PKIB: variants seen among roughly 807,000 people sequenced by gnomAD.
PKIB encodes cAMP-dependent protein kinase inhibitor beta.
A neutral mutation model predicts 4.5 loss-of-function variants in PKIB; 2 were observed. The observed-to-expected ratio is 0.44, with a 90% CI of 0.18 to 1.39. The LOEUF is 1.39. Among genes scored for constraint, PKIB ranks in the 40% most tolerant of loss-of-function variants. The probability of loss-of-function intolerance (pLI) is 0.27; values close to 1 mark genes in which losing one functional copy is unlikely to be tolerated. For synonymous variants in PKIB, 38 were observed against 36.0 expected (o/e 1.06, Z -0.20); for missense variants, 94 against 92.6 (o/e 1.02, Z -0.06).
intron 2 of PKIB, among the ~76,000 whole-genome samples, chr6:122,540,565 T>C (rs1242220819): frequency 2.6e-5 from 4 of 151,996 alleles, no homozygotes; most frequent in South Asian, 2.1e-4. Flanking sequence ...ATAATTTCTG[T>C]TCTTTTACAT....
intron 2 of PKIB, among the ~76,000 whole-genome samples, chr6:122,575,225 C>T (rs1370124934): frequency 1.3e-5 from 2 of 151,956 alleles, no homozygotes; most frequent in East Asian, 3.9e-4. Context: ...GCAAGAATGG[C>T]CGTTTAAGTA....
chr6:122,697,009 G>A (rs1280307189), intron 3 of PKIB, among the ~76,000 whole-genome samples: 1 of 152,204 alleles, frequency 6.6e-6, no homozygotes, highest in Non-Finnish European at 1.5e-5. Context: ...TATTAGTCAT[G>A]TCTACTGATG....
intron 2 of PKIB, among the ~76,000 whole-genome samples, chr6:122,553,666 A>C (rs1772757130): frequency 6.6e-6 from 1 of 151,744 alleles, no homozygotes; most frequent in Non-Finnish European, 1.5e-5. Context: ...CTTTTGTTAT[A>C]TATTAAGAAC....
intron 3 of PKIB, among the ~76,000 whole-genome samples, chr6:122,703,957 G>T (rs933401481): frequency 2.1e-4 from 32 of 150,728 alleles, no homozygotes; most frequent in African/African-American, 7.3e-4. Context: ...GAGAGAGAGA[G>T]AGAGAGAGAG....
At chr6:122,522,159 C>A (rs546066864) in intron 2 of PKIB, among the ~76,000 whole-genome samples, 1 of 149,258 alleles carries the variant, frequency 6.7e-6, no homozygotes, top group African/African-American at 2.5e-5. Context: ...AAAAAAAAAA[C>A]ATAAAGCGAG....
At chr6:122,598,923 C>G (rs1172395643) in intron 3 of PKIB, among the ~76,000 whole-genome samples, 2 of 152,152 alleles carry the variant, frequency 1.3e-5, no homozygotes, top group Non-Finnish European at 2.9e-5. Flanking sequence ...TTATCCCATA[C>G]CCCTAATATC....
chr6:122,713,192 G>A (rs1298270230), intron 3 of PKIB, among the ~76,000 whole-genome samples: 4 of 152,062 alleles, frequency 2.6e-5, no homozygotes, highest in Admixed American at 6.6e-5. Context: ...CGTAAATTGC[G>A]TTACCTTGCT....
chr6:122,581,912 T>C (rs1034227442), intron 2 of PKIB: 3 of 152,060 alleles, frequency 2.0e-5, no homozygotes, highest in Non-Finnish European at 2.9e-5. Flanking sequence ...TCTATCTCTA[T>C]GGGCAAGTGT....
intron 2 of PKIB, among the ~76,000 whole-genome samples, chr6:122,544,798 C>CA (rs1772439679): frequency 6.6e-6 from 1 of 151,740 alleles, no homozygotes; most frequent in Non-Finnish European, 1.5e-5. Flanking sequence ...AATCAATAAC[C>CA]AAAAAACAAC....
chr6:122,725,649 C>T lies in PKIB; in HGVS notation c.*454C>T, dbSNP rs1203266725. ...TGGTGAGAAAGAACAATAGTCAAAACTCACATGGATAGAGTGTGTTTGTTT... is the reference window on the plus strand; with the variant it reads ...TGGTGAGAAAGAACAATAGTCAAAATTCACATGGATAGAGTGTGTTTGTTT... On this transcript the variant is annotated 3_prime_UTR_variant, in exon 5 of 5. Coordinates refer to ENST00000368452, the MANE Select transcript of PKIB (RefSeq NM_181795.3). The T allele has an allele frequency of 6.5e-6, 1 of 153,130 alleles. No homozygotes were observed. Among genetic ancestry groups the T allele is most frequent in the African/African-American group, 2.4e-5 (1 of 41,442 alleles). The allele number at this position is 153,130 out of a possible 1,614,324, so 9.5% of individuals were successfully genotyped here.
intron 1 of PKIB, among the ~76,000 whole-genome samples, chr6:122,628,418 G>A (rs1028003228): frequency 6.6e-6 from 1 of 152,200 alleles, no homozygotes; most frequent in African/African-American, 2.4e-5. Context: ...GAGTTGAATA[G>A]CATTACTTTA....
intron 2 of PKIB, among the ~76,000 whole-genome samples, chr6:122,655,838 A>T (rs960010407): frequency 8.5e-5 from 13 of 152,272 alleles, no homozygotes; most frequent in African/African-American, 2.9e-4. Flanking sequence ...CTATATAAGG[A>T]AAAAAAGTCA....
chr6:122,514,153 T>G (rs951141596), intron 2 of PKIB, among the ~76,000 whole-genome samples: 6 of 152,236 alleles, frequency 3.9e-5, no homozygotes, highest in Non-Finnish European at 8.8e-5. Context: ...ATGAATTCTC[T>G]TATTCAGGAA....
chr6:122,674,694 TC>T (rs1344785119), intron 2 of PKIB, among the ~76,000 whole-genome samples: 1 of 152,202 alleles, frequency 6.6e-6, no homozygotes, highest in Non-Finnish European at 1.5e-5. Flanking sequence ...TCTACAAACT[TC>T]CAAAGGTGGT....
At chr6:122,596,633 T>C (rs958103811) in intron 3 of PKIB, among the ~76,000 whole-genome samples, 1 of 152,172 alleles carries the variant, frequency 6.6e-6, no homozygotes, top group African/African-American at 2.4e-5. Context: ...CCAAGAGCTC[T>C]CTCTCAAAAG....
intron 2 of PKIB, among the ~76,000 whole-genome samples, chr6:122,581,289 T>G (rs1036950829): frequency 2.0e-5 from 3 of 152,178 alleles, no homozygotes; most frequent in African/African-American, 7.2e-5. Context: ...GAAATGTTGG[T>G]TTCAATGTAG....
chr6:122,657,107 A>T (rs377130973), intron 2 of PKIB, among the ~76,000 whole-genome samples: 20 of 152,354 alleles, frequency 1.3e-4, no homozygotes, highest in East Asian at 9.7e-4. Flanking sequence ...AGTGAAGCAG[A>T]TTAACATATC....
chr6:122,714,409 A>G (rs1056992384), intron 3 of PKIB, among the ~76,000 whole-genome samples: 2 of 152,166 alleles, frequency 1.3e-5, no homozygotes, highest in Admixed American at 1.3e-4. Flanking sequence ...ATAGTAGTTA[A>G]TGAATATAAT....
intron 3 of PKIB, among the ~76,000 whole-genome samples, chr6:122,716,148 T>G (rs532012227): frequency 6.6e-6 from 1 of 152,166 alleles, no homozygotes; most frequent in Non-Finnish European, 1.5e-5. Flanking sequence ...TAAAGAACAT[T>G]TAGTGAGATA....
Sources: gnomAD v4.1 joint callset for allele counts (sites outside exome capture counted in the v4.1 genomes callset) on GRCh38, gnomAD v4.1.1 for gene constraint, MANE v1.5 for transcripts, NCBI Gene and HGNC (gene_info 2026-07-23, HGNC 2026-07-21) for gene names.